Variants in SHB observed in about 807,000 individuals in gnomAD.
The protein encoded by SHB is SH2 domain containing adaptor protein B, also known as SH2 domain-containing adapter protein B.
SHB carries 20 observed loss-of-function variants against 52.3 expected under a neutral mutation model. That is an observed-to-expected ratio of 0.38 (90% CI 0.27 to 0.56). The LOEUF (loss-of-function observed/expected upper bound fraction) is 0.56. Ranked by LOEUF, SHB falls within the 20% of genes least tolerant of loss-of-function variation. The pLI is 0.71. For missense variants in SHB, 825 were observed against 723.3 expected (o/e 1.14, Z -1.61); for synonymous variants, 397 against 316.5 (o/e 1.25, Z -2.70).
intron 2 of SHB, among the ~76,000 whole-genome samples, chr9:38,000,936 T>C (rs1018032146): frequency 6.6e-6 from 1 of 152,178 alleles, no homozygotes; most frequent in African/African-American, 2.4e-5. Context: ...CATCTCACCA[T>C]CTATACAATG....
chr9:37,938,339 T>C (rs1028199404), intron 5 of SHB, among the ~76,000 whole-genome samples: 5 of 152,222 alleles, frequency 3.3e-5, no homozygotes, highest in African/African-American at 1.2e-4. Context: ...CTTTCACTGA[T>C]AGCAGATGTG....
At chr9:38,043,068 T>G (rs1189857072) in intron 1 of SHB, among the ~76,000 whole-genome samples, 1 of 152,212 alleles carries the variant, frequency 6.6e-6, no homozygotes, top group African/African-American at 2.4e-5. Flanking sequence ...GCTCTCTGCC[T>G]AGAGTACATT....
In SHB at chr9:37,948,688, G is replaced by A; in HGVS notation, c.1293C>T (p.Ser431=). Residue 431 remains serine, a synonymous_variant, in exon 5 of 6, where the codon AGC becomes AGT. Transcript: ENST00000377707. The part of the protein sequence containing the change: ...ENLLRLCKEC[S]YLVRNSQTSK... The stretch of plus-strand genomic sequence containing the variant: ...TGGTCTGGCTGTTCCGGACAAGGTA[G>A]CTACACTCCTTGCAGAGTCGCAGCA... The A allele has an allele frequency of 6.2e-7, 1 of 1,614,002 alleles. No homozygotes were observed. Among genetic ancestry groups the A allele is most frequent in the East Asian group, 2.2e-5 (1 of 44,876 alleles).
chr9:37,924,515 G>C (rs548880801), intron 5 of SHB, among the ~76,000 whole-genome samples: 42 of 152,166 alleles, frequency 2.8e-4, no homozygotes, highest in Non-Finnish European at 5.6e-4. Flanking sequence ...TGGGACTAAT[G>C]TGTGGGACCC....
At chr9:37,973,450 C>T (rs1284864944) in intron 3 of SHB, among the ~76,000 whole-genome samples, 1 of 152,086 alleles carries the variant, frequency 6.6e-6, no homozygotes, top group Admixed American at 6.5e-5. Flanking sequence ...CTCGAACTCC[C>T]AACCTCAGGT....
intron 5 of SHB, among the ~76,000 whole-genome samples, chr9:37,942,244 C>A (rs143621763): frequency 6.6e-6 from 1 of 152,184 alleles, no homozygotes; most frequent in Non-Finnish European, 1.5e-5. Context: ...TGCTCTAAGC[C>A]GGATACAAAT....
chr9:38,049,309 C>T (rs1471512353), intron 1 of SHB, among the ~76,000 whole-genome samples: 2 of 152,110 alleles, frequency 1.3e-5, no homozygotes, highest in East Asian at 3.9e-4. Context: ...AGCCAATATC[C>T]TCACTGAAAA....
At position 38,048,887 on chromosome 9, in the gene SHB, A is replaced by G. The variant is rs566152449; in HGVS notation, c.717+19042T>C. Among the ~76,000 whole-genome samples the G allele has an allele frequency of 2.6e-5, 4 of 152,328 alleles. No homozygotes were observed. The South Asian group carries it at 8.3e-4, about 32-fold the overall frequency. On this transcript the variant is annotated intron_variant, in intron 1 of 5. Transcript: ENST00000377707. ...TGGGTTCCCAGGGTAACAACTTTTA[A>G]GCCTCTCCATGTTGCTCTCTCACTG...
In SHB at chr9:37,946,586, C is replaced by T. The variant is rs375496480; in HGVS notation, c.1346+2049G>A. ...TCACCACAGGGCCCCAGTGCCAGCC[C>T]GGCAGGACCTTAGTTCAAGGGCTCA... On this transcript the variant is annotated intron_variant, in intron 5 of 5. Transcript: ENST00000377707. 2.1e-4 allele frequency among the ~76,000 whole-genome samples: 32 copies of T among 152,278 alleles called. No homozygotes were observed. The East Asian group carries it at 3.5e-3, about 17-fold the overall frequency.
intron 2 of SHB, among the ~76,000 whole-genome samples, chr9:37,976,145 T>C (rs574990391): frequency 1.3e-5 from 2 of 152,170 alleles, no homozygotes; most frequent in Non-Finnish European, 2.9e-5. Flanking sequence ...ACACGATTCT[T>C]GTGTCTCAGC....
intron 3 of SHB, among the ~76,000 whole-genome samples, chr9:37,961,647 G>A (rs1832693120): frequency 6.6e-6 from 1 of 152,194 alleles, no homozygotes; most frequent in Non-Finnish European, 1.5e-5. Flanking sequence ...TTAGGGCTTT[G>A]TTTGGCTAAG....
chr9:37,992,246 CA>C (rs1277221599), intron 2 of SHB, among the ~76,000 whole-genome samples: 1 of 151,878 alleles, frequency 6.6e-6, no homozygotes, highest in Non-Finnish European at 1.5e-5. Context: ...ACTAAAAATA[CA>C]AAAATTAGCC....
intron 1 of SHB, among the ~76,000 whole-genome samples, chr9:38,039,253 C>CAAAA (rs1821536495): frequency 1.3e-5 from 2 of 152,210 alleles, no homozygotes; most frequent in Non-Finnish European, 2.9e-5. Flanking sequence ...AACAAAAAAC[C>CAAAA]ACTTTTCTGA....
chr9:38,015,861 A>C, intron 2 of SHB, 150 bp downstream of exon 2: 2 of 753,484 alleles, frequency 2.7e-6, no homozygotes, highest in Non-Finnish European at 4.4e-6. Flanking sequence ...ACTGTGGGGA[A>C]GACTTAATAC....
chr9:38,025,322 C>T (rs1177913998), intron 1 of SHB, among the ~76,000 whole-genome samples: 1 of 152,164 alleles, frequency 6.6e-6, no homozygotes, highest in Admixed American at 6.5e-5. Flanking sequence ...CCTGCAGACT[C>T]CATCAACCTC....
chr9:38,000,140 G>A (rs577514358), intron 2 of SHB, among the ~76,000 whole-genome samples: 1 of 152,334 alleles, frequency 6.6e-6, no homozygotes, highest in South Asian at 2.1e-4. Flanking sequence ...CCCTCCCACA[G>A]GCAGTGGAGA....
intron 2 of SHB, among the ~76,000 whole-genome samples, chr9:37,983,109 G>A (rs1010468989): frequency 3.3e-5 from 5 of 152,196 alleles, no homozygotes; most frequent in Admixed American, 3.3e-4. Context: ...GCTCTTGGTA[G>A]GAGAAGGCAG....
At chr9:37,951,132 G>A (rs1356268033) in intron 4 of SHB, among the ~76,000 whole-genome samples, 1 of 152,208 alleles carries the variant, frequency 6.6e-6, no homozygotes, top group Non-Finnish European at 1.5e-5. Flanking sequence ...CAACTTTAAA[G>A]TCAAGGACTG....
intron 1 of SHB, among the ~76,000 whole-genome samples, chr9:38,025,970 G>A (rs893370764): frequency 5.3e-5 from 8 of 152,204 alleles, no homozygotes; most frequent in Non-Finnish European, 7.3e-5. Context: ...TATTTACAGA[G>A]TGCCTCCCAA....
Sources: allele counts gnomAD v4.1 joint callset (sites outside exome capture counted in the v4.1 genomes callset), GRCh38; gene constraint gnomAD v4.1.1; transcripts MANE v1.5; gene names NCBI Gene and HGNC (gene_info 2026-07-23, HGNC 2026-07-21).